The following TBC1D8 variants were observed in gnomAD, a reference collection of about 807,000 sequenced individuals.
TBC1D8 encodes BUB2-like protein 1.
TBC1D8 carries 65 observed loss-of-function variants against 118.8 expected under a neutral mutation model. That is an observed-to-expected ratio of 0.55 (90% confidence interval 0.45 to 0.67). The LOEUF is 0.67. Among genes scored for constraint, TBC1D8 ranks in the 30% least tolerant of loss-of-function variants. TBC1D8 has a pLI of 0.00. For missense variants in TBC1D8, 1,376 were observed against 1,471.2 expected, an observed-to-expected ratio of 0.94 and a Z score of 1.06; for synonymous variants, 566 against 595.8, an observed-to-expected ratio of 0.95 and a Z score of 0.73.
At chr2:101,028,493 TG>T (rs1277637887) in intron 12 of TBC1D8, 61 bp from the exon 13 acceptor site, 1 of 1,507,280 alleles carries the variant, frequency 6.6e-7, no homozygotes, top group African/African-American at 1.4e-5. Context: ...CAACACGGGC[TG>T]CCTTCACAGT....
chr2:101,035,195 T>C (rs1260308266), intron 9 of TBC1D8, among the ~76,000 whole-genome samples: 1 of 152,098 alleles, frequency 6.6e-6, no homozygotes, highest in Non-Finnish European at 1.5e-5. Context: ...AAAAGCGCCA[T>C]GGGGTCATCT....
intron 3 of TBC1D8, among the ~76,000 whole-genome samples, chr2:101,057,835 C>A (rs139204128): frequency 6.6e-6 from 1 of 152,084 alleles, no homozygotes; most frequent in South Asian, 2.1e-4. Flanking sequence ...AAAAAACAAC[C>A]AACAAAAATA....
chr2:101,092,696 G>A (rs1275658774), intron 1 of TBC1D8, among the ~76,000 whole-genome samples: 1 of 151,850 alleles, frequency 6.6e-6, no homozygotes, highest in Non-Finnish European at 1.5e-5. Context: ...ATATTTTCTG[G>A]GACAACAAAA....
chr2:101,088,599 A>G (rs889851721), intron 2 of TBC1D8, among the ~76,000 whole-genome samples: 2 of 151,808 alleles, frequency 1.3e-5, no homozygotes, highest in African/African-American at 4.8e-5. Flanking sequence ...CTTTTTTAAG[A>G]AATGGGCTCT....
intron 1 of TBC1D8, among the ~76,000 whole-genome samples, chr2:101,133,193 T>C (rs1678673914): frequency 6.6e-6 from 1 of 151,000 alleles, no homozygotes; most frequent in Non-Finnish European, 1.5e-5. Context: ...TCTCTGAACA[T>C]GTAAGCAATA....
At chr2:101,036,216 C>T in intron 8 of TBC1D8, 48 bp from the exon 9 acceptor site, 1 of 1,583,458 alleles carries the variant, frequency 6.3e-7, no homozygotes. Context: ...GTCCTCACCA[C>T]CCCCCACCCA....
Position 101,151,208 on chromosome 2 carries a change from G to T in TBC1D8, c.46C>A (p.Leu16Ile). Reference sequence around the variant, plus strand: ...CAGCTGCTCTTCTGGGTCACCCAGAGCTTCAGCGCGTTCTTCAGCAGCACC... The same window carrying T: ...CAGCTGCTCTTCTGGGTCACCCAGATCTTCAGCGCGTTCTTCAGCAGCACC... ...EEVLLKNALKLWVTQKSSCYF... is the reference protein window; with the variant it reads ...EEVLLKNALKIWVTQKSSCYF... The change falls in exon 1 of 20, where the codon CTC (leucine) becomes ATC (isoleucine). Residue 16 changes from leucine (L) to isoleucine (I), a missense_variant. Physicochemically the swap from Leu to Ile is conservative, Grantham distance 5 (BLOSUM62 2). Transcript: ENST00000409318. 7.9e-7 allele frequency: 1 copy of T among 1,258,122 alleles called. No individual in the cohort carries two copies. Among genetic ancestry groups the T allele is most frequent in the Non-Finnish European group, 1.0e-6 (1 of 976,798 alleles). 77.9% of individuals were successfully genotyped at this position (1,258,122 alleles called of 1,614,324 possible).
intron 1 of TBC1D8, among the ~76,000 whole-genome samples, chr2:101,126,090 A>G (rs925737385): frequency 7.2e-5 from 11 of 152,168 alleles, no homozygotes; most frequent in African/African-American, 2.4e-4. Flanking sequence ...TCTGTGTCTG[A>G]TGAAGCCTCA....
chr2:101,079,966 G>A (rs1424676619), intron 2 of TBC1D8, among the ~76,000 whole-genome samples: 2 of 151,972 alleles, frequency 1.3e-5, no homozygotes, highest in Non-Finnish European at 2.9e-5. Context: ...GATTACAGGT[G>A]TGAGCCACCG....
intron 1 of TBC1D8, among the ~76,000 whole-genome samples, chr2:101,148,940 G>C (rs1679431624): frequency 6.6e-6 from 1 of 152,112 alleles, no homozygotes; most frequent in South Asian, 2.1e-4. Context: ...CATGGGTCTT[G>C]ACTTTACCAC....
chr2:101,114,935 C>T (rs700882), intron 1 of TBC1D8, among the ~76,000 whole-genome samples: 24,109 of 152,134 alleles, frequency 0.16, 2,032 homozygotes, highest in South Asian at 0.21. Flanking sequence ...CCCCATGGTC[C>T]CTGGTCTGAC....
intron 2 of TBC1D8, among the ~76,000 whole-genome samples, chr2:101,085,870 G>A (rs189083223): frequency 5.9e-5 from 9 of 152,326 alleles, no homozygotes; most frequent in African/African-American, 1.7e-4. Context: ...GGCCGGGCGC[G>A]GCGGCTCACG....
At chr2:101,014,701 C>A (rs1403379703) in intron 17 of TBC1D8, among the ~76,000 whole-genome samples, 1 of 152,148 alleles carries the variant, frequency 6.6e-6, no homozygotes, top group African/African-American at 2.4e-5. Context: ...TGGGTTCCAG[C>A]AGATATCTTG....
intron 17 of TBC1D8, among the ~76,000 whole-genome samples, chr2:101,013,361 C>A (rs1679375344): frequency 6.6e-6 from 1 of 152,170 alleles, no homozygotes; most frequent in South Asian, 2.1e-4. Context: ...TCCTTTCAAT[C>A]TTTTTACATG....
intron 17 of TBC1D8, chr2:101,018,336 TTC>T (rs755686524): frequency 1.1e-5 from 1 of 94,340 alleles, no homozygotes; most frequent in Non-Finnish European, 2.8e-5. Flanking sequence ...ATTAAGTTCA[TTC>T]AGGTTTTCAA....
chr2:101,009,884 C>T (rs1257079797), intron 19 of TBC1D8, among the ~76,000 whole-genome samples: 6 of 148,204 alleles, frequency 4.0e-5, no homozygotes, highest in African/African-American at 1.5e-4. Flanking sequence ...TGCAGTGGTG[C>T]GATCTCGGCT....
chr2:101,123,673 T>A (rs1323856985), intron 1 of TBC1D8, among the ~76,000 whole-genome samples: 1 of 152,208 alleles, frequency 6.6e-6, no homozygotes, highest in Non-Finnish European at 1.5e-5. Context: ...TAAGGACCAG[T>A]ATACTGTCAC....
At chr2:101,061,749 G>T (rs1682765447) in intron 2 of TBC1D8, among the ~76,000 whole-genome samples, 1 of 152,196 alleles carries the variant, frequency 6.6e-6, no homozygotes, top group South Asian at 2.1e-4. Flanking sequence ...AGCTTCCTCT[G>T]AGGTGAGGGG....
intron 15 of TBC1D8, among the ~76,000 whole-genome samples, chr2:101,024,649 C>T (rs1200293903): frequency 6.6e-6 from 1 of 152,142 alleles, no homozygotes; most frequent in Non-Finnish European, 1.5e-5. Flanking sequence ...TCAAGTGATC[C>T]ACCCGCACTG....
Sources: allele counts gnomAD v4.1 joint callset (sites outside exome capture counted in the v4.1 genomes callset), GRCh38; gene constraint gnomAD v4.1.1; transcripts MANE v1.5; gene names NCBI Gene and HGNC (gene_info 2026-07-23, HGNC 2026-07-21).